The following RRM1 variants were observed in gnomAD, a reference collection of about 807,000 sequenced individuals.
The protein encoded by RRM1 is ribonucleotide reductase catalytic subunit M1, also known as ribonucleoside-diphosphate reductase large subunit.
A neutral mutation model predicts 101.5 loss-of-function variants in RRM1; 19 were observed. The observed-to-expected ratio is 0.19, with a 90% CI of 0.13 to 0.27. The LOEUF (loss-of-function observed/expected upper bound fraction) is 0.27, where lower values mean the gene tolerates loss of function less well. Among genes scored for constraint, RRM1 ranks in the 10% least tolerant of loss-of-function variants. RRM1 has a pLI of 1.00. For synonymous variants in RRM1, 298 were observed against 323.4 expected (o/e 0.92, Z 0.84); for missense variants, 500 against 962.9 (o/e 0.52, Z 6.36).
chr11:4,109,229 T>C (rs967629503), intron 4 of RRM1, among the ~76,000 whole-genome samples: 2 of 151,418 alleles, frequency 1.3e-5, no homozygotes, highest in African/African-American at 4.8e-5. Context: ...TATATATATA[T>C]TAGTAAATAT....
intron 4 of RRM1, among the ~76,000 whole-genome samples, chr11:4,108,260 C>T (rs1448179769): frequency 6.6e-6 from 1 of 152,142 alleles, no homozygotes. Context: ...GATTTATTTA[C>T]CGTGTATATC....
intron 1 of RRM1, among the ~76,000 whole-genome samples, chr11:4,100,119 G>C (rs1163842164): frequency 6.6e-6 from 1 of 152,168 alleles, no homozygotes; most frequent in Non-Finnish European, 1.5e-5. Flanking sequence ...TTATCACAAT[G>C]GTGATCAGAA....
chr11:4,136,363 G>T (rs1458368287), intron 18 of RRM1, among the ~76,000 whole-genome samples: 2 of 151,834 alleles, frequency 1.3e-5, no homozygotes, highest in African/African-American at 4.8e-5. Flanking sequence ...AGGATCACAG[G>T]TGTGTGCCAA....
At chr11:4,127,617 G>A (rs77390502) in intron 14 of RRM1, among the ~76,000 whole-genome samples, 2,547 of 152,286 alleles carry the variant, frequency 0.017, 49 homozygotes, top group African/African-American at 0.054. Context: ...TGGAGGGAGT[G>A]TGGCCCTCCC....
chr11:4,101,042 A>T (rs1218883270), intron 1 of RRM1, among the ~76,000 whole-genome samples: 1 of 152,226 alleles, frequency 6.6e-6, no homozygotes, highest in African/African-American at 2.4e-5. Flanking sequence ...TAGGTAAAAT[A>T]TATAGTATGT....
chr11:4,127,850 C>T (rs764941529), intron 14 of RRM1, among the ~76,000 whole-genome samples: 24 of 152,218 alleles, frequency 1.6e-4, no homozygotes, highest in Admixed American at 6.5e-5. Context: ...TGGGTTAAAA[C>T]ATGGCATTCG....
chr11:4,105,749 G>A (rs1352584952), intron 2 of RRM1: 3 of 393,052 alleles, frequency 7.6e-6, no homozygotes, highest in Admixed American at 3.9e-5. Flanking sequence ...TGGGGGCGGG[G>A]CAGGGTGGTC....
rs552751496 is a variant in RRM1 at position 4,109,626 on chromosome 11, CT to C, written c.388-13del. ...AATTATTTTAATTTAATTATGGGTT[CT>C]TTTTCACCCCTATCAGCGCCTGAAT... On this transcript the variant is annotated splice_polypyrimidine_tract_variant and intron_variant, in intron 4 of 18. Coordinates refer to ENST00000300738, the MANE Select transcript of RRM1 (RefSeq NM_001033.5). 3.0e-4 allele frequency: 475 copies of C among 1,585,140 alleles called. 11 individuals are homozygous for C. The South Asian group carries it at 5.4e-3, about 18-fold the overall frequency.
At position 4,132,760 on chromosome 11, in the gene RRM1, A is replaced by T. The variant is rs903624934; in HGVS notation, c.1905+339A>T. On this transcript the variant is annotated intron_variant, in intron 16 of 18. Transcript: ENST00000300738. This position sits in a 1 kb window ranked among gnomAD's most constrained non-coding sequence, Gnocchi z 4.1. ...GGATACTCAAAATGTATAAAGAAGTATCATTTAAGGCAGTGGTTCTCAGAC... is the reference window on the plus strand; with the variant it reads ...GGATACTCAAAATGTATAAAGAAGTTTCATTTAAGGCAGTGGTTCTCAGAC... Among the ~76,000 whole-genome samples, 8 of 152,206 alleles carry T rather than the reference A, an allele frequency of 5.3e-5. No homozygotes were observed. Among genetic ancestry groups the T allele is most frequent in the Non-Finnish European group, 1.0e-4 (7 of 68,038 alleles).
intron 17 of RRM1, among the ~76,000 whole-genome samples, chr11:4,134,000 T>TG (rs1237064463): frequency 3.7e-4 from 54 of 147,292 alleles, no homozygotes; most frequent in African/African-American, 1.3e-3. Flanking sequence ...TTTTTTTTTT[T>TG]TTTTGAGACG....
chr11:4,129,549 G>C (rs1488936643), intron 15 of RRM1, among the ~76,000 whole-genome samples: 1 of 151,378 alleles, frequency 6.6e-6, no homozygotes, highest in Non-Finnish European at 1.5e-5. Flanking sequence ...TGTTTGAATT[G>C]ATTGTCATAG....
intron 7 of RRM1, among the ~76,000 whole-genome samples, chr11:4,115,140 T>C (rs1466247343): frequency 6.6e-6 from 1 of 152,192 alleles, no homozygotes. Context: ...AAAGTAATTC[T>C]AGGCAAAATC....
chr11:4,123,695 G>A (rs2094585236), intron 12 of RRM1, among the ~76,000 whole-genome samples: 1 of 152,152 alleles, frequency 6.6e-6, no homozygotes, highest in South Asian at 2.1e-4. Flanking sequence ...AATGTGTTAG[G>A]ATGTACATTC....
chr11:4,107,866 C>T (rs2094560382), intron 4 of RRM1, among the ~76,000 whole-genome samples: 1 of 151,974 alleles, frequency 6.6e-6, no homozygotes, highest in Non-Finnish European at 1.5e-5. Flanking sequence ...TATGAATTTA[C>T]CCTTTTTTAT....
intron 2 of RRM1, 67 bp from the exon 3 acceptor site, chr11:4,105,979 A>C: frequency 7.2e-7 from 1 of 1,389,232 alleles, no homozygotes; most frequent in Non-Finnish European, 1.0e-6. Flanking sequence ...GGTTTTCTTA[A>C]TTACTCTTTT....
chr11:4,130,048 A>G (rs2094596468), intron 15 of RRM1, among the ~76,000 whole-genome samples: 1 of 118,876 alleles, frequency 8.4e-6, no homozygotes, highest in South Asian at 2.8e-4. Flanking sequence ...CTTTTAAGAA[A>G]ATGGACCTGT....
At chr11:4,137,179 A>C (rs942183491) in intron 18 of RRM1, 2 of 249,766 alleles carry the variant, frequency 8.0e-6, no homozygotes, top group Admixed American at 1.1e-4. Flanking sequence ...CTTTCTACAC[A>C]GACACGGCAA....
intron 1 of RRM1, 79 bp downstream of exon 1, chr11:4,095,110 C>T: frequency 6.8e-7 from 1 of 1,471,768 alleles, no homozygotes; most frequent in African/African-American, 1.4e-5. Flanking sequence ...CCCAGACCGC[C>T]CGCCCGCCTT....
chr11:4,109,166 A>C (rs1305410773), intron 4 of RRM1, among the ~76,000 whole-genome samples: 2 of 151,864 alleles, frequency 1.3e-5, no homozygotes, highest in Admixed American at 6.6e-5. Flanking sequence ...GTCATTGTTT[A>C]TTATATATAC....
Sources: gnomAD v4.1 joint callset for allele counts (sites outside exome capture counted in the v4.1 genomes callset) on GRCh38, gnomAD v4.1.1 for gene constraint, Gnocchi (gnomAD v3.1) non-coding constraint, MANE v1.5 for transcripts, NCBI Gene and HGNC (gene_info 2026-07-23, HGNC 2026-07-21) for gene names.